Variants in PRPF3 observed in about 807,000 individuals in gnomAD.
PRPF3 encodes pre-mRNA processing factor 3, also known as U4/U6 small nuclear ribonucleoprotein Prp3.
PRPF3 carries 3 observed loss-of-function variants against 89.2 expected under a neutral mutation model. The observed-to-expected ratio is 0.03, with a 90% CI of 0.02 to 0.09. PRPF3 has a LOEUF of 0.09. Ranked by LOEUF, PRPF3 falls within the 10% of genes least tolerant of loss-of-function variation. PRPF3 has a pLI of 1.00. For missense variants in PRPF3, 463 were observed against 828.8 expected (o/e 0.56, Z 5.42); for synonymous variants, 270 against 289.1 (o/e 0.93, Z 0.67).
rs1456274011 is a variant in PRPF3, at chr1:150,353,126, C to G, written c.*147C>G. 6.6e-6 allele frequency: 7 copies of G among 1,061,410 alleles called. No individual in the cohort carries two copies. Among genetic ancestry groups the G allele is most frequent in the Non-Finnish European group, 1.0e-5 (7 of 687,680 alleles). The allele number at this position is 1,061,410 out of a possible 1,614,324, so 65.7% of individuals were successfully genotyped here. Reference sequence around the variant, plus strand: ...GGGACAAAGGGAGAATATCTTGCTCCCCTCCTGAGTCAGCCTGGTGTTGCC... The same window carrying G: ...GGGACAAAGGGAGAATATCTTGCTCGCCTCCTGAGTCAGCCTGGTGTTGCC... On this transcript the variant is annotated 3_prime_UTR_variant, in exon 16 of 16. Transcript: ENST00000324862.
At chr1:150,347,583 CG>C (rs1560118888) in intron 14 of PRPF3, among the ~76,000 whole-genome samples, 2 of 151,856 alleles carry the variant, frequency 1.3e-5, no homozygotes, top group African/African-American at 4.8e-5. Flanking sequence ...CACAAAAATT[CG>C]GGGCGTGGTG....
chr1:150,331,534 T>G (rs1023481583), intron 4 of PRPF3, among the ~76,000 whole-genome samples: 18 of 151,798 alleles, frequency 1.2e-4, no homozygotes, highest in Non-Finnish European at 2.5e-4. Context: ...CCGGCTAATT[T>G]TTGTATTTTT....
chr1:150,341,351 G>A (rs1384444774), intron 9 of PRPF3, among the ~76,000 whole-genome samples: 1 of 150,820 alleles, frequency 6.6e-6, no homozygotes, highest in Non-Finnish European at 1.5e-5. Flanking sequence ...ATTCCAAAGG[G>A]CTTTTTGTTA....
At chr1:150,345,924 G>A in intron 12 of PRPF3, 94 bp from the exon 13 acceptor site, 1 of 949,420 alleles carries the variant, frequency 1.1e-6, no homozygotes, top group Non-Finnish European at 1.7e-6. Flanking sequence ...TTATAGAGAG[G>A]AAACCATTTT....
intron 14 of PRPF3, among the ~76,000 whole-genome samples, chr1:150,347,228 A>T (rs1408698228): frequency 7.9e-5 from 12 of 151,262 alleles, no homozygotes; most frequent in African/African-American, 2.9e-4. Context: ...GCTTTGATCA[A>T]ACTATTTCTT....
At chr1:150,342,374 C>T (rs61817477) in intron 9 of PRPF3, among the ~76,000 whole-genome samples, 3,670 of 152,048 alleles carry the variant, frequency 0.024, 62 homozygotes, top group Non-Finnish European at 0.035. Context: ...AGCGAGACTC[C>T]GTCTCAACAA....
At chr1:150,340,500 A>G (rs200864205) in intron 9 of PRPF3, 23 bp downstream of exon 9, 16 of 1,541,100 alleles carry the variant, frequency 1.0e-5, no homozygotes, top group African/African-American at 1.4e-5. Context: ...TTCCTGAATC[A>G]AGTCTCTAGA....
At chr1:150,347,137 C>T (rs1658348645) in intron 14 of PRPF3, among the ~76,000 whole-genome samples, 1 of 151,252 alleles carries the variant, frequency 6.6e-6, no homozygotes, top group Admixed American at 6.6e-5. Context: ...TTCATGTGTA[C>T]AGTGTCTATA....
At chr1:150,331,351 T>C (rs1656359621) in intron 4 of PRPF3, among the ~76,000 whole-genome samples, 1 of 150,044 alleles carries the variant, frequency 6.7e-6, no homozygotes, top group Non-Finnish European at 1.5e-5. Context: ...AATTTTTAAT[T>C]TTTTTATTTT....
intron 2 of PRPF3, among the ~76,000 whole-genome samples, chr1:150,325,340 C>T (rs1553863447): frequency 6.6e-6 from 1 of 152,056 alleles, no homozygotes; most frequent in African/African-American, 2.4e-5. Context: ...GTTAGATTTA[C>T]TTAGGAAGTA....
At chr1:150,352,111 C>T (rs1436293590) in intron 15 of PRPF3, among the ~76,000 whole-genome samples, 1 of 152,130 alleles carries the variant, frequency 6.6e-6, no homozygotes, top group Non-Finnish European at 1.5e-5. Flanking sequence ...TCTGCTGGTA[C>T]CTGCTCTTCT....
chr1:150,341,105 C>CAAAA (rs71086503), intron 9 of PRPF3, among the ~76,000 whole-genome samples: 9 of 86,686 alleles, frequency 1.0e-4, no homozygotes, highest in African/African-American at 3.9e-4. Context: ...GACCTTGTCT[C>CAAAA]AAAAAAAAAA....
rs782617433 is a variant in PRPF3 at position 150,349,232 on chromosome 1, T to C, written c.1905+14T>C. The stretch of plus-strand genomic sequence containing the variant: ...CTAGTCTGGGAGGTAGGTGATCCTT[T>C]GTAAAACATTGTAAAACTTTAGCCA... On this transcript the variant is annotated intron_variant, in intron 15 of 15. Coordinates refer to ENST00000324862, the MANE Select transcript of PRPF3 (RefSeq NM_004698.4). 1.4e-5 allele frequency: 22 copies of C among 1,595,436 alleles called. No homozygotes were observed. The highest frequency in any genetic ancestry group is 1.8e-5 in the Non-Finnish European group (21 of 1,163,398).
At position 150,325,799 on chromosome 1, in the gene PRPF3, A is replaced by G; in HGVS notation, c.194A>G (p.Lys65Arg). The G allele has an allele frequency of 6.2e-7, 1 of 1,613,762 alleles. No homozygotes were observed. The highest frequency in any genetic ancestry group is 1.7e-4 in the Middle Eastern group (1 of 6,052). Residue 65 changes from lysine (K) to arginine (R), a missense_variant, in exon 3 of 16, where the codon AAA becomes AGA. Lys to Arg is a conservative substitution (Grantham distance 26, BLOSUM62 2). Around this residue, in one of 8 missense-constraint regions of PRPF3, gnomAD observed 33 missense variants for 83.1 expected, o/e 0.40. Coordinates refer to ENST00000324862, the MANE Select transcript of PRPF3 (RefSeq NM_004698.4). ...LDDSTLRFVD[K>R]LFEAVEEGRS... ...GATTCTACTCTCCGATTTGTGGACAAACTGTTTGAGGCTGTGGAGGAAGGC... is the reference window on the plus strand; with the variant it reads ...GATTCTACTCTCCGATTTGTGGACAGACTGTTTGAGGCTGTGGAGGAAGGC...
At chr1:150,345,953 G>A in intron 12 of PRPF3, 65 bp from the exon 13 acceptor site, 1 of 1,230,768 alleles carries the variant, frequency 8.1e-7, no homozygotes, top group Non-Finnish European at 1.2e-6. Flanking sequence ...CTTTTTACTT[G>A]CCACTCCATT....
chr1:150,344,417 C>A lies in PRPF3; in HGVS notation c.1527-17C>A, dbSNP rs1553872348. On this transcript the variant is annotated splice_polypyrimidine_tract_variant and intron_variant, in intron 11 of 15. Transcript: ENST00000324862. Reference sequence around the variant, plus strand: ...CAATGCCTTTCTCACTTGTGGATGTCCTTCCTGTCACGACAGAGCGCATGA... The same window carrying A: ...CAATGCCTTTCTCACTTGTGGATGTACTTCCTGTCACGACAGAGCGCATGA... 1.2e-6 allele frequency: 2 copies of A among 1,614,150 alleles called. No homozygotes were observed. The highest frequency in any genetic ancestry group is 4.5e-5 in the East Asian group (2 of 44,882).
intron 7 of PRPF3, 95 bp downstream of exon 7, chr1:150,335,336 A>G (rs587675323): frequency 6.3e-6 from 9 of 1,422,926 alleles, no homozygotes; most frequent in Non-Finnish European, 8.8e-6. Flanking sequence ...AATTAGATAA[A>G]TAGGTCATTT....
chr1:150,346,544 G>A, intron 14 of PRPF3, 53 bp downstream of exon 14: 2 of 1,508,700 alleles, frequency 1.3e-6, no homozygotes, highest in Non-Finnish European at 1.8e-6. Context: ...GGTGGGGATG[G>A]TGCATCTGTC....
In PRPF3 at chr1:150,325,785, C is replaced by T; in HGVS notation, c.180C>T (p.Leu60=). 1 of 1,613,590 alleles carries T rather than the reference C, an allele frequency of 6.2e-7. No individual in the cohort carries two copies. ...HLKPFLDDST[L]RFVDKLFEAV... is the part of the protein sequence containing the mutation. ...AACCTTTTCTTGATGATTCTACTCT[C>T]CGATTTGTGGACAAACTGTTTGAGG... Residue 60 remains leucine (L), a synonymous_variant, in exon 3 of 16, where the codon CTC becomes CTT. Transcript: ENST00000324862.
Sources: allele counts gnomAD v4.1 joint callset (sites outside exome capture counted in the v4.1 genomes callset), GRCh38; gene constraint gnomAD v4.1.1; regional missense constraint gnomAD v4.1.1; transcripts MANE v1.5; gene names NCBI Gene and HGNC (gene_info 2026-07-23, HGNC 2026-07-21).